Variants in GREB1L observed in about 807,000 individuals in gnomAD.
GREB1L encodes the protein GREB1-like protein.
In GREB1L, 17 loss-of-function variants were observed where a neutral mutation model predicts 200.8. The observed-to-expected ratio is 0.08, with a 90% CI of 0.06 to 0.13. GREB1L has a LOEUF of 0.13. GREB1L is among the 10% of genes least tolerant of loss of function. The pLI, the probability that GREB1L is intolerant of heterozygous loss-of-function variation, is 1.00. For missense variants in GREB1L, 1,657 were observed against 2,367.7 expected (o/e 0.70, Z 6.23); for synonymous variants, 789 against 893.0 (o/e 0.88, Z 2.08).
At chr18:21,495,238 C>T (rs540200730) in intron 19 of GREB1L, among the ~76,000 whole-genome samples, 2 of 152,286 alleles carry the variant, frequency 1.3e-5, no homozygotes, top group South Asian at 4.1e-4. Context: ...TAATGGAATT[C>T]TGAGATTCTT....
chr18:21,377,195 G>A (rs2040108672), intron 2 of GREB1L, among the ~76,000 whole-genome samples: 1 of 152,000 alleles, frequency 6.6e-6, no homozygotes, highest in African/African-American at 2.4e-5. Context: ...ATTGCAGAAT[G>A]GTGATGTGGG....
Position 21,250,201 on chromosome 18 carries a change from T to C in GREB1L, c.-120+7808T>C, listed in dbSNP as rs79390474. On this transcript the variant is annotated intron_variant, in intron 1 of 32. Coordinates refer to ENST00000424526, the MANE Select transcript of GREB1L (RefSeq NM_001142966.3). ...GTGGGGGATTAGGTCAGAGAGGTAA[T>C]CTAGATCTTTTTACTTCAAATTCTT... Among the ~76,000 whole-genome samples the C allele has an allele frequency of 4.0e-4, 61 of 152,214 alleles. 1 individual carries two copies. In the East Asian group the frequency reaches 6.4e-3, roughly 16 times the overall value.
chr18:21,314,052 A>G (rs2038831414), intron 1 of GREB1L, among the ~76,000 whole-genome samples: 1 of 152,302 alleles, frequency 6.6e-6, no homozygotes, highest in Middle Eastern at 3.4e-3. Context: ...CTGACTGGCT[A>G]TAGCAAAAAC....
Position 21,525,463 on chromosome 18 carries a change from A to AAAAC in GREB1L, c.*2645_*2648dup, listed in dbSNP as rs2037669747. The AAAAC allele has an allele frequency of 1.3e-5, 2 of 152,156 alleles. No homozygotes were observed. Among genetic ancestry groups the AAAAC allele is most frequent in the African/African-American group, 2.4e-5 (1 of 41,436 alleles). 9.4% of individuals were successfully genotyped at this position (152,156 alleles called of 1,614,324 possible). A position where few individuals can be genotyped will look rare whatever the true frequency, so the allele number is the denominator to read the frequency against. ...ATAGTTTTCTGGCATGTTTGTTAAG[A>AAAAC]AAACAAGCTCCCTGACTCTGGCAAT... On this transcript the variant is annotated 3_prime_UTR_variant, in exon 33 of 33. Coordinates refer to ENST00000424526, the MANE Select transcript of GREB1L (RefSeq NM_001142966.3).
chr18:21,420,196 C>G (rs1174978508), intron 7 of GREB1L, among the ~76,000 whole-genome samples: 1 of 151,950 alleles, frequency 6.6e-6, no homozygotes, highest in Non-Finnish European at 1.5e-5. Flanking sequence ...CATAGTGAAA[C>G]CCCATCTCTA....
intron 15 of GREB1L, among the ~76,000 whole-genome samples, chr18:21,459,665 A>T (rs6508422): frequency 0.99 from 150,600 of 151,894 alleles, 74,673 homozygotes; most frequent in Non-Finnish European, 1. Flanking sequence ...ACAAAAAAAA[A>T]TTTTAATAAA....
At chr18:21,473,652 T>C (rs1020363007) in intron 16 of GREB1L, among the ~76,000 whole-genome samples, 2 of 152,130 alleles carry the variant, frequency 1.3e-5, no homozygotes, top group Non-Finnish European at 2.9e-5. Context: ...TGCCATCTTC[T>C]TACTGGTAAC....
intron 17 of GREB1L, among the ~76,000 whole-genome samples, chr18:21,478,478 C>G (rs1448680349): frequency 6.6e-6 from 1 of 152,136 alleles, no homozygotes; most frequent in African/African-American, 2.4e-5. Flanking sequence ...CCAAAAATGT[C>G]TTACATAAAA....
intron 2 of GREB1L, chr18:21,380,687 A>C (rs2040268016): frequency 6.6e-6 from 1 of 152,162 alleles, no homozygotes; most frequent in South Asian, 2.1e-4. Flanking sequence ...TGTGAAATGG[A>C]AAGAGGTCAT....
At chr18:21,489,572 C>G (rs1174173139) in intron 18 of GREB1L, among the ~76,000 whole-genome samples, 3 of 152,140 alleles carry the variant, frequency 2.0e-5, no homozygotes, top group Non-Finnish European at 2.9e-5. Context: ...CAGGAATTAT[C>G]CATGATGACT....
intron 1 of GREB1L, among the ~76,000 whole-genome samples, chr18:21,310,828 T>A (rs923425111): frequency 8.5e-5 from 13 of 152,172 alleles, no homozygotes; most frequent in South Asian, 2.1e-4. Context: ...TAGAAAAAAA[T>A]TTTAAGTTTG....
intron 1 of GREB1L, among the ~76,000 whole-genome samples, chr18:21,258,538 TGG>T (rs541415959): frequency 2.9e-4 from 44 of 152,290 alleles, no homozygotes; most frequent in South Asian, 2.3e-3. Context: ...ACACAGGAGT[TGG>T]GGCAAGGGAG....
chr18:21,271,723 T>C (rs1231392340), intron 1 of GREB1L, among the ~76,000 whole-genome samples: 4 of 151,616 alleles, frequency 2.6e-5, no homozygotes, highest in Non-Finnish European at 5.9e-5. Context: ...TGCAGGTTGC[T>C]GTTTAAGTTA....
intron 7 of GREB1L, among the ~76,000 whole-genome samples, chr18:21,427,526 A>T (rs1257358982): frequency 6.6e-6 from 1 of 152,054 alleles, no homozygotes; most frequent in Non-Finnish European, 1.5e-5. Flanking sequence ...AAACAAAAAA[A>T]CCAACAATGG....
intron 18 of GREB1L, 149 bp from the exon 19 acceptor site, chr18:21,489,863 G>A (rs2036262239): frequency 3.2e-6 from 2 of 629,530 alleles, no homozygotes; most frequent in Non-Finnish European, 5.5e-6. Flanking sequence ...CAGTGATGTA[G>A]GATCCCAGGT....
intron 14 of GREB1L, among the ~76,000 whole-genome samples, chr18:21,454,007 G>T (rs1415211453): frequency 1.3e-5 from 2 of 152,200 alleles, no homozygotes; most frequent in African/African-American, 2.4e-5. Flanking sequence ...AAGAAAACTG[G>T]AAATGCTACC....
At chr18:21,480,978 C>G (rs1340335969) in intron 17 of GREB1L, among the ~76,000 whole-genome samples, 1 of 151,742 alleles carries the variant, frequency 6.6e-6, no homozygotes, top group East Asian at 1.9e-4. Flanking sequence ...CGAGATAGCA[C>G]CACTGTACTC....
chr18:21,243,449 A>G (rs544940691), intron 1 of GREB1L, among the ~76,000 whole-genome samples: 6 of 152,296 alleles, frequency 3.9e-5, no homozygotes, highest in African/African-American at 1.4e-4. Context: ...GATAGAAACC[A>G]CATTTTAATT....
intron 1 of GREB1L, among the ~76,000 whole-genome samples, chr18:21,298,926 C>A (rs1449652273): frequency 4.0e-5 from 6 of 151,894 alleles, no homozygotes. Context: ...CCAAGCGAGA[C>A]CCTGTCTCTG....
Sources: allele counts gnomAD v4.1 joint callset (sites outside exome capture counted in the v4.1 genomes callset), GRCh38; gene constraint gnomAD v4.1.1; transcripts MANE v1.5; gene names NCBI Gene and HGNC (gene_info 2026-07-23, HGNC 2026-07-21).